The following ELL2 variants were observed in gnomAD, a reference collection of about 807,000 sequenced individuals.
ELL2 encodes RNA polymerase II elongation factor ELL2.
Under a neutral mutation model 72.8 loss-of-function variants are expected in ELL2, and 21 were observed. The ratio of observed to expected loss-of-function variants is 0.29; its 90% CI spans 0.20 to 0.42. The LOEUF is 0.42. Among genes scored for constraint, ELL2 ranks in the 10% least tolerant of loss-of-function variants. The probability of loss-of-function intolerance (pLI) is 1.00; values close to 1 mark genes in which losing one functional copy is unlikely to be tolerated. For synonymous variants in ELL2, 266 were observed against 283.2 expected (o/e 0.94, Z 0.61); for missense variants, 568 against 772.8 (o/e 0.73, Z 3.14).
At chr5:95,938,040 C>CA (rs1375320091) in intron 2 of ELL2, among the ~76,000 whole-genome samples, 6 of 152,178 alleles carry the variant, frequency 3.9e-5, no homozygotes, top group African/African-American at 1.4e-4. Context: ...CTACTAACTT[C>CA]AAATACTGTA....
At chr5:95,896,523 G>A (rs1390388214) in intron 8 of ELL2, among the ~76,000 whole-genome samples, 4 of 152,082 alleles carry the variant, frequency 2.6e-5, no homozygotes, top group Non-Finnish European at 5.9e-5. Context: ...ATATTTTAAA[G>A]GACAAAGTAC....
At chr5:95,912,262 C>A (rs1358517757) in intron 4 of ELL2, among the ~76,000 whole-genome samples, 1 of 152,080 alleles carries the variant, frequency 6.6e-6, no homozygotes, top group African/African-American at 2.4e-5. Flanking sequence ...AAAGTGCAGT[C>A]ATCATCGCTG....
chr5:95,898,058 C>T (rs990162096), intron 8 of ELL2, among the ~76,000 whole-genome samples, 182 bp downstream of exon 8: 1 of 144,626 alleles, frequency 6.9e-6, no homozygotes, highest in African/African-American at 2.6e-5. Flanking sequence ...TAATAGTTGG[C>T]CAAAAAGAGA....
rs1271879077 is a variant in ELL2, at chr5:95,901,163, C to T, written c.742-83G>A. The T allele has an allele frequency of 6.3e-6, 9 of 1,426,116 alleles. No individual in the cohort carries two copies. In the Admixed American group the frequency reaches 2.1e-4, roughly 33 times the overall value. The allele number at this position is 1,426,116 out of a possible 1,614,324, so 88.3% of individuals were successfully genotyped here. A position where few individuals can be genotyped will look rare whatever the true frequency, so the allele number is the denominator to read the frequency against. ...AAACAGGCAACCTTTAGGATTTACA[C>T]TGAAAATAATTACATCAATTGGCCC... On this transcript the variant is annotated intron_variant, in intron 5 of 11. Transcript: ENST00000237853.
chr5:95,923,907 G>A (rs1225879590), intron 2 of ELL2, among the ~76,000 whole-genome samples: 1 of 152,228 alleles, frequency 6.6e-6, no homozygotes, highest in Non-Finnish European at 1.5e-5. Context: ...ATACTCTTAA[G>A]AATGAAATGG....
chr5:95,891,182 C>T lies in ELL2; in HGVS notation c.1682G>A (p.Arg561Lys). 6.2e-7 allele frequency: 1 copy of T among 1,614,132 alleles called. No individual in the cohort carries two copies. The change falls in exon 10 of 12, where the codon AGG becomes AAG. Residue 561 changes from arginine to lysine, a missense_variant. By Grantham distance (26) the Arg-to-Lys change is conservative. This residue lies in a region of ELL2 where 511 missense variants were observed against 728.4 expected (regional missense o/e 0.70). Coordinates refer to ENST00000237853, the MANE Select transcript of ELL2 (RefSeq NM_012081.6). ...AAATCTTCTAGCTACAGTCTCCATCCTGGCATGCAAAGCTCTGTACTCATC... is the reference window on the plus strand; with the variant it reads ...AAATCTTCTAGCTACAGTCTCCATCTTGGCATGCAAAGCTCTGTACTCATC... ...EYDEYRALHA[R>K]METVARRFIK...
chr5:95,933,795 A>ATT (rs61341229), intron 2 of ELL2, among the ~76,000 whole-genome samples: 60 of 147,090 alleles, frequency 4.1e-4, no homozygotes, highest in African/African-American at 1.3e-3. Context: ...GAGGTTAGAG[A>ATT]TTTTTTTTTT....
chr5:95,934,963 C>T (rs1199133065), intron 2 of ELL2, among the ~76,000 whole-genome samples: 1 of 152,090 alleles, frequency 6.6e-6, no homozygotes, highest in East Asian at 1.9e-4. Flanking sequence ...ATATTTGTTT[C>T]TGCAAAATAA....
At chr5:95,935,004 CATA>C (rs1750725102) in intron 2 of ELL2, among the ~76,000 whole-genome samples, 1 of 152,130 alleles carries the variant, frequency 6.6e-6, no homozygotes, top group South Asian at 2.1e-4. Flanking sequence ...AGTTCAATGT[CATA>C]ATAAGAACCT....
At position 95,921,742 on chromosome 5, in the gene ELL2, G is replaced by A. The variant is rs139190169; in HGVS notation, c.196-2197C>T. ...CTTTTGTTTCTCTGGGAAGAGCAGG[G>A]TTCTGCTGACAGAGAAGGGATATGC... On this transcript the variant is annotated intron_variant, in intron 2 of 11. Transcript: ENST00000237853. Among the ~76,000 whole-genome samples the A allele has an allele frequency of 1.4e-3, 206 of 152,322 alleles. 1 individual carries two copies. Among genetic ancestry groups the A allele is most frequent in the African/African-American group, 4.7e-3 (195 of 41,580 alleles).
intron 1 of ELL2, among the ~76,000 whole-genome samples, chr5:95,959,149 G>A (rs1751721688): frequency 6.6e-6 from 1 of 152,098 alleles, no homozygotes; most frequent in African/African-American, 2.4e-5. Flanking sequence ...CTGTCACTTC[G>A]CTTTCCCTTC....
intron 2 of ELL2, among the ~76,000 whole-genome samples, chr5:95,930,909 ATTT>A (rs11320626): frequency 1.3e-5 from 2 of 150,694 alleles, no homozygotes; most frequent in Non-Finnish European, 3.0e-5. Context: ...ATTTTGTGCC[ATTT>A]TTTTTTTATG....
chr5:95,895,524 A>G (rs1045962947), intron 9 of ELL2, 104 bp downstream of exon 9: 2 of 1,091,562 alleles, frequency 1.8e-6, no homozygotes, highest in Non-Finnish European at 2.8e-6. Flanking sequence ...CCAGGACTCT[A>G]TTTCTGGAAC....
intron 8 of ELL2, among the ~76,000 whole-genome samples, chr5:95,896,091 G>A (rs566568981): frequency 6.6e-6 from 1 of 152,318 alleles, no homozygotes; most frequent in East Asian, 1.9e-4. Flanking sequence ...TTCAAACAAG[G>A]CGGATGAGAC....
At chr5:95,956,820 AAG>A (rs1375368959) in intron 1 of ELL2, among the ~76,000 whole-genome samples, 1 of 152,268 alleles carries the variant, frequency 6.6e-6, no homozygotes, top group Non-Finnish European at 1.5e-5. Flanking sequence ...AGGCTTAAAT[AAG>A]AACTTATGCT....
intron 2 of ELL2, among the ~76,000 whole-genome samples, chr5:95,923,987 C>A (rs1214687247): frequency 6.6e-6 from 1 of 152,112 alleles, no homozygotes. Flanking sequence ...GACAGGAAAG[C>A]AGGAGACTTA....
intron 2 of ELL2, chr5:95,932,791 C>T (rs1278373076): frequency 1.3e-5 from 2 of 151,840 alleles, no homozygotes; most frequent in Non-Finnish European, 2.9e-5. Flanking sequence ...GTCAAAATAG[C>T]AAAATACAGT....
At chr5:95,899,877 C>T (rs1468076338) in intron 7 of ELL2, among the ~76,000 whole-genome samples, 1 of 152,112 alleles carries the variant, frequency 6.6e-6, no homozygotes, top group Admixed American at 6.5e-5. Flanking sequence ...TGTTCCCCCT[C>T]TGTTCCTCAC....
At position 95,911,856 on chromosome 5, in the gene ELL2, C is replaced by T. The variant is rs564323756; in HGVS notation, c.481+1915G>A. On this transcript the variant is annotated intron_variant, in intron 4 of 11. Transcript: ENST00000237853. ...TGACCACAGAAGAACACTGCTGTGA[C>T]GGTGAGTGGCTAGGACACTGAGGAC... Among the ~76,000 whole-genome samples the T allele has an allele frequency of 3.3e-5, 5 of 152,238 alleles. No individual in the cohort carries two copies. The South Asian group carries it at 8.3e-4, about 25-fold the overall frequency.
Sources: gnomAD v4.1 joint callset for allele counts (sites outside exome capture counted in the v4.1 genomes callset) on GRCh38, gnomAD v4.1.1 for gene constraint, gnomAD v4.1.1 regional missense constraint, MANE v1.5 for transcripts, NCBI Gene and HGNC (gene_info 2026-07-23, HGNC 2026-07-21) for gene names.